The following STAG1 variants were observed in gnomAD, a reference collection of about 807,000 sequenced individuals.
STAG1 encodes the protein STAG1 cohesin complex component, also known as cohesin subunit SA-1.
STAG1 carries 26 observed loss-of-function variants against 170.9 expected under a neutral mutation model. That is an observed-to-expected ratio of 0.15 (90% confidence interval 0.11 to 0.21). The LOEUF (loss-of-function observed/expected upper bound fraction) is 0.21. Among genes scored for constraint, STAG1 ranks in the 10% least tolerant of loss-of-function variants. The pLI, the probability that STAG1 is intolerant of heterozygous loss-of-function variation, is 1.00. For missense variants in STAG1, 964 were observed against 1,509.5 expected (o/e 0.64, Z 5.99); for synonymous variants, 514 against 497.7 (o/e 1.03, Z -0.44).
intron 4 of STAG1, among the ~76,000 whole-genome samples, chr3:136,570,737 C>A (rs1937243793): frequency 6.6e-6 from 1 of 152,206 alleles, no homozygotes; most frequent in Admixed American, 6.5e-5. Flanking sequence ...TTAATTTAGC[C>A]CATGCTGATT....
intron 1 of STAG1, among the ~76,000 whole-genome samples, chr3:136,733,553 A>G (rs1437311911): frequency 6.6e-6 from 1 of 152,242 alleles, no homozygotes; most frequent in African/African-American, 2.4e-5. Context: ...CCAAGTTTAC[A>G]TAGACAGAAA....
At chr3:136,621,867 T>G (rs774848539) in intron 3 of STAG1, among the ~76,000 whole-genome samples, 6 of 151,816 alleles carry the variant, frequency 4.0e-5, no homozygotes, top group Non-Finnish European at 5.9e-5. Flanking sequence ...TCCTGTGTCA[T>G]GACTCTAACC....
At chr3:136,707,766 C>T (rs1943267917) in intron 1 of STAG1, among the ~76,000 whole-genome samples, 1 of 152,118 alleles carries the variant, frequency 6.6e-6, no homozygotes, top group Non-Finnish European at 1.5e-5. Flanking sequence ...TTAATCCATT[C>T]CCTCAAGAAT....
intron 5 of STAG1, among the ~76,000 whole-genome samples, chr3:136,563,172 T>C (rs974524396): frequency 6.6e-6 from 1 of 152,190 alleles, no homozygotes; most frequent in Non-Finnish European, 1.5e-5. Context: ...CTGTAAATAG[T>C]AGATATCTTG....
intron 1 of STAG1, among the ~76,000 whole-genome samples, chr3:136,746,580 A>G (rs1389434863): frequency 6.6e-6 from 1 of 152,160 alleles, no homozygotes; most frequent in African/African-American, 2.4e-5. Context: ...GGACTGCTAA[A>G]CCGTATGCCA....
intron 1 of STAG1, among the ~76,000 whole-genome samples, chr3:136,748,546 C>T (rs1304257636): frequency 6.6e-6 from 1 of 151,992 alleles, no homozygotes; most frequent in Non-Finnish European, 1.5e-5. Context: ...CAGGCAAGTG[C>T]TACCACGCCT....
At chr3:136,579,843 A>G (rs1030762653) in intron 4 of STAG1, among the ~76,000 whole-genome samples, 2 of 152,186 alleles carry the variant, frequency 1.3e-5, no homozygotes, top group African/African-American at 2.4e-5. Flanking sequence ...ATATCAGTAA[A>G]TAATTATGTA....
intron 5 of STAG1, among the ~76,000 whole-genome samples, chr3:136,559,244 A>G (rs1936746156): frequency 1.3e-5 from 2 of 152,242 alleles, no homozygotes; most frequent in Admixed American, 1.3e-4. Context: ...AATATATAAT[A>G]AAGCCATATA....
chr3:136,338,395 G>C lies in STAG1; in HGVS notation c.3728C>G (p.Ser1243Cys). 1 of 1,613,642 alleles carries C rather than the reference G, an allele frequency of 6.2e-7. No homozygotes were observed. Among genetic ancestry groups the C allele is most frequent in the East Asian group, 2.2e-5 (1 of 44,854 alleles). ...RAELRPDFFDSAAIIEDDSGF... is the reference protein window; with the variant it reads ...RAELRPDFFDCAAIIEDDSGF... ...TGAATCATCTTCTATGATAGCTGCA[G>C]AGTCAAAGAAGTCTGGCCTTAGCTC... The change falls in exon 33 of 34, where the codon TCT (serine) becomes TGT (cysteine). Residue 1243 changes from serine to cysteine, a missense_variant. Physicochemically the swap from Ser to Cys is moderately radical, Grantham distance 112. Coordinates refer to ENST00000383202, the MANE Select transcript of STAG1 (RefSeq NM_005862.3).
chr3:136,528,505 C>CT lies in STAG1; in HGVS notation c.472-7089_472-7088insA, dbSNP rs397727041. On this transcript the variant is annotated intron_variant, in intron 6 of 33. Transcript: ENST00000383202. The stretch of plus-strand genomic sequence containing the variant: ...ACAGATGTCCCCGCACCCCCCCCCC[C>CT]AAAAAATCACTAAGTCCTGGAAAAG... Among the ~76,000 whole-genome samples, 5 of 146,516 alleles carry CT rather than the reference C, an allele frequency of 3.4e-5. 1 individual carries two copies. In the South Asian group the frequency reaches 1.1e-3, roughly 33 times the overall value.
At chr3:136,563,664 C>A (rs68120497) in intron 5 of STAG1, among the ~76,000 whole-genome samples, 26,890 of 132,564 alleles carry the variant, frequency 0.2, 4,674 homozygotes, top group African/African-American at 0.49. Flanking sequence ...AAAAAAAAAA[C>A]AACAACAACA....
At chr3:136,689,336 C>G (rs1245403251) in intron 1 of STAG1, among the ~76,000 whole-genome samples, 1 of 152,148 alleles carries the variant, frequency 6.6e-6, no homozygotes, top group Non-Finnish European at 1.5e-5. Context: ...TATAGCTTTT[C>G]CTGGATTAAA....
intron 22 of STAG1, among the ~76,000 whole-genome samples, chr3:136,378,439 T>C (rs369303942): frequency 6.6e-6 from 1 of 152,192 alleles, no homozygotes. Flanking sequence ...ATGCCTGCAA[T>C]CCCAGTGCTT....
intron 4 of STAG1, among the ~76,000 whole-genome samples, chr3:136,582,882 TGAGA>T: frequency 6.6e-6 from 1 of 152,252 alleles, no homozygotes; most frequent in East Asian, 1.9e-4. Context: ...ACAAATAACT[TGAGA>T]GATGAGCAAA....
chr3:136,443,623 G>C (rs1275874878), intron 14 of STAG1, among the ~76,000 whole-genome samples: 1 of 152,104 alleles, frequency 6.6e-6, no homozygotes, highest in Non-Finnish European at 1.5e-5. Flanking sequence ...GTAAAAGTAA[G>C]GATCTCCTAG....
chr3:136,457,775 T>G (rs2089158852), intron 13 of STAG1, among the ~76,000 whole-genome samples: 1 of 152,094 alleles, frequency 6.6e-6, no homozygotes, highest in South Asian at 2.1e-4. Context: ...ATCTTAAGCA[T>G]GAAGACTACA....
At chr3:136,736,934 C>T (rs1023047719) in intron 1 of STAG1, 81 of 1,592,976 alleles carry the variant, frequency 5.1e-5, no homozygotes, top group Non-Finnish European at 6.8e-5. Flanking sequence ...AACTTGTAAG[C>T]TTTGTCCACA....
At chr3:136,382,751 G>T (rs1938046727) in intron 22 of STAG1, among the ~76,000 whole-genome samples, 1 of 152,018 alleles carries the variant, frequency 6.6e-6, no homozygotes, top group African/African-American at 2.4e-5. Context: ...AATGGGGATG[G>T]ACTAAAGACC....
chr3:136,657,288 TC>T (rs1394618917), intron 1 of STAG1, among the ~76,000 whole-genome samples: 12 of 134,730 alleles, frequency 8.9e-5, no homozygotes, highest in African/African-American at 3.3e-4. Context: ...CAACCTCACC[TC>T]CCGGGTTCAA....
Sources: gnomAD v4.1 joint callset for allele counts (sites outside exome capture counted in the v4.1 genomes callset) on GRCh38, gnomAD v4.1.1 for gene constraint, MANE v1.5 for transcripts, NCBI Gene and HGNC (gene_info 2026-07-23, HGNC 2026-07-21) for gene names.